USP24: variants seen among roughly 807,000 people sequenced by gnomAD.
USP24 encodes the protein ubiquitin carboxyl-terminal hydrolase 24.
USP24 carries 97 observed loss-of-function variants against 361.6 expected under a neutral mutation model. The ratio of observed to expected loss-of-function variants is 0.27; its 90% CI spans 0.23 to 0.32. The LOEUF (loss-of-function observed/expected upper bound fraction) is 0.32, where lower values mean the gene tolerates loss of function less well. Ranked by LOEUF, USP24 falls within the 10% of genes least tolerant of loss-of-function variation. The pLI is 1.00. For missense variants in USP24, 2,353 were observed against 3,165.6 expected, an observed-to-expected ratio of 0.74 and a Z score of 6.16; for synonymous variants, 1,098 against 1,124.6, an observed-to-expected ratio of 0.98 and a Z score of 0.47.
intron 63 of USP24, among the ~76,000 whole-genome samples, 179 bp downstream of exon 63, chr1:55,075,278 A>C (rs1010186630): frequency 3.3e-5 from 5 of 151,992 alleles, no homozygotes; most frequent in African/African-American, 1.2e-4. Context: ...TAGGGTGAGA[A>C]GATCCCTGGG....
chr1:55,079,919 C>T (rs927969313), intron 59 of USP24, among the ~76,000 whole-genome samples: 1 of 151,990 alleles, frequency 6.6e-6, no homozygotes, highest in Non-Finnish European at 1.5e-5. Context: ...ACAGAGTACT[C>T]GCACACACAC....
chr1:55,129,635 C>T, intron 31 of USP24, 61 bp from the exon 32 acceptor site: 2 of 1,327,032 alleles, frequency 1.5e-6, no homozygotes, highest in Non-Finnish European at 2.1e-6. Flanking sequence ...TACTCCTTTA[C>T]TAAATAAAAC....
At chr1:55,161,825 G>T (rs1049468301) in intron 8 of USP24, among the ~76,000 whole-genome samples, 1 of 152,172 alleles carries the variant, frequency 6.6e-6, no homozygotes, top group African/African-American at 2.4e-5. Flanking sequence ...GCCAGTAAGT[G>T]AGCCTAGCCG....
chr1:55,109,010 ACT>A (rs1415885781), intron 39 of USP24, among the ~76,000 whole-genome samples: 4 of 151,596 alleles, frequency 2.6e-5, no homozygotes, highest in Non-Finnish European at 5.9e-5. Context: ...TTTTTTGGAG[ACT>A]CTGTCTCGCT....
In USP24 at chr1:55,215,193, T is replaced by G; in HGVS notation, c.-80A>C. The G allele has an allele frequency of 8.9e-7, 1 of 1,122,068 alleles. No individual in the cohort carries two copies. The highest frequency in any genetic ancestry group is 1.1e-6 in the Non-Finnish European group (1 of 898,894). 69.5% of individuals were successfully genotyped at this position (1,122,068 alleles called of 1,614,324 possible). ...GCCTGGCGGGCCGCGCGGCGCACCC[T>G]CCGCGCCGCCTCCGCGCCCAGGTTG... On this transcript the variant is annotated 5_prime_UTR_variant, in exon 1 of 68. Coordinates refer to ENST00000294383, the MANE Select transcript of USP24 (RefSeq NM_015306.3).
chr1:55,075,664 AACACCACCACC>A (rs765663039), intron 62 of USP24, 141 bp from the exon 63 acceptor site: 46,016 of 348,932 alleles, frequency 0.13, 2,314 homozygotes, highest in African/African-American at 0.27. Context: ...CAACAACAAC[AACACCACCACC>A]ACCAATACAG....
intron 43 of USP24, 113 bp downstream of exon 43, chr1:55,101,471 G>C (rs1050677454): frequency 1.1e-5 from 15 of 1,420,386 alleles, no homozygotes; most frequent in African/African-American, 1.0e-4. Context: ...CTAAAGAATT[G>C]CAAGTTATGT....
chr1:55,148,679 T>A, intron 16 of USP24, 109 bp from the exon 17 acceptor site: 1 of 754,432 alleles, frequency 1.3e-6, no homozygotes, highest in Non-Finnish European at 2.1e-6. Context: ...CACATTTTAT[T>A]ATTTTACTCT....
chr1:55,132,594 C>T lies in USP24; in HGVS notation c.3488G>A (p.Arg1163Gln), dbSNP rs766955794. The change falls in exon 31 of 68, where the codon CGA (arginine) becomes CAA (glutamine). Residue 1163 changes from arginine to glutamine, a missense_variant. Around this residue, in one of 8 missense-constraint regions of USP24, gnomAD observed 949 missense variants for 1,280.5 expected, o/e 0.74. Coordinates refer to ENST00000294383, the MANE Select transcript of USP24 (RefSeq NM_015306.3). The part of the protein sequence containing the change: ...SASSILESLF[R>Q]SFAPGMSTFR... ...GGTAGACATTCCCGGGGCAAAAGATCGAAACAGACTTTCTAAAATTGAACT... is the reference window on the plus strand; with the variant it reads ...GGTAGACATTCCCGGGGCAAAAGATTGAAACAGACTTTCTAAAATTGAACT... The T allele has an allele frequency of 8.1e-6, 13 of 1,613,438 alleles. No individual in the cohort carries two copies. The South Asian group carries it at 1.3e-4, about 16-fold the overall frequency.
chr1:55,139,928 C>G (rs1227619846), intron 24 of USP24, among the ~76,000 whole-genome samples: 1 of 151,948 alleles, frequency 6.6e-6, no homozygotes, highest in Non-Finnish European at 1.5e-5. Flanking sequence ...AGTGAGTGAA[C>G]TATTTTTTAA....
chr1:55,110,003 C>CAGA (rs1220190016), intron 39 of USP24, among the ~76,000 whole-genome samples, 182 bp downstream of exon 39: 2 of 152,280 alleles, frequency 1.3e-5, no homozygotes, highest in East Asian at 3.9e-4. Context: ...GGTTATGTAA[C>CAGA]AGAAGAAGAG....
chr1:55,140,947 A>G (rs1646871628), intron 24 of USP24, among the ~76,000 whole-genome samples: 1 of 152,214 alleles, frequency 6.6e-6, no homozygotes, highest in Non-Finnish European at 1.5e-5. Flanking sequence ...TACAGCAGAC[A>G]CTAAACTCAA....
chr1:55,143,309 A>G (rs1646940376), intron 21 of USP24, among the ~76,000 whole-genome samples, 190 bp from the exon 22 acceptor site: 1 of 152,238 alleles, frequency 6.6e-6, no homozygotes, highest in Non-Finnish European at 1.5e-5. Context: ...CCAACCACAG[A>G]AGCACTGGGC....
chr1:55,096,707 C>G, intron 49 of USP24, 85 bp from the exon 50 acceptor site: 1 of 1,505,346 alleles, frequency 6.6e-7, no homozygotes, highest in Non-Finnish European at 8.9e-7. Flanking sequence ...GTATTGTCTA[C>G]AAATAAAGCA....
chr1:55,069,369 G>T lies in USP24; in HGVS notation c.7801-262C>A, dbSNP rs377235541. ...TCACAATGCTACTCTGCACCCATGTGAGAACGCAGAGCAGTGATAAAGCTG... is the reference window on the plus strand; with the variant it reads ...TCACAATGCTACTCTGCACCCATGTTAGAACGCAGAGCAGTGATAAAGCTG... On this transcript the variant is annotated intron_variant, in intron 67 of 67. Transcript: ENST00000294383. Among the ~76,000 whole-genome samples, 12 of 152,358 alleles carry T rather than the reference G, an allele frequency of 7.9e-5. No homozygotes were observed. In the South Asian group the frequency reaches 2.5e-3, roughly 32 times the overall value.
chr1:55,199,985 G>A (rs566376961), intron 1 of USP24, among the ~76,000 whole-genome samples: 11 of 152,134 alleles, frequency 7.2e-5, no homozygotes, highest in Admixed American at 2.0e-4. Context: ...ATGCAAAAGC[G>A]GAAACTCCTG....
At chr1:55,102,941 A>G (rs1645674211) in intron 42 of USP24, among the ~76,000 whole-genome samples, 1 of 151,970 alleles carries the variant, frequency 6.6e-6, no homozygotes, top group African/African-American at 2.4e-5. Flanking sequence ...GCCAAGTGCT[A>G]CTCCCTCTAT....
intron 38 of USP24, among the ~76,000 whole-genome samples, chr1:55,112,368 G>C (rs1428431494): frequency 6.6e-6 from 1 of 151,922 alleles, no homozygotes; most frequent in Admixed American, 6.6e-5. Flanking sequence ...GTGATGTTAG[G>C]GTGTCAATTG....
intron 3 of USP24, among the ~76,000 whole-genome samples, chr1:55,174,830 A>G (rs897613873): frequency 0.011 from 4 of 358 alleles, no homozygotes; most frequent in African/African-American, 0.019. Flanking sequence ...GGGGTCTCAC[A>G]TGTTGCCCAG....
Sources: allele counts gnomAD v4.1 joint callset (sites outside exome capture counted in the v4.1 genomes callset), GRCh38; gene constraint gnomAD v4.1.1; regional missense constraint gnomAD v4.1.1; transcripts MANE v1.5; gene names NCBI Gene and HGNC (gene_info 2026-07-23, HGNC 2026-07-21).